EYS: variants seen among roughly 807,000 people sequenced by gnomAD.
EYS encodes the protein protein eyes shut homolog.
In EYS, 250 loss-of-function variants were observed where a neutral mutation model predicts 282.1. That is an observed-to-expected ratio of 0.89 (90% CI 0.80 to 0.98). The LOEUF (loss-of-function observed/expected upper bound fraction) is 0.98, where lower values mean the gene tolerates loss of function less well. Ranked by LOEUF, EYS falls within the 50% of genes least tolerant of loss-of-function variation. EYS has a pLI of 0.00. For synonymous variants in EYS, 1,355 were observed against 1,282.9 expected, an observed-to-expected ratio of 1.06 and a Z score of -1.20; for missense variants, 4,016 against 3,709.0, an observed-to-expected ratio of 1.08 and a Z score of -2.15.
intron 29 of EYS, among the ~76,000 whole-genome samples, chr6:64,374,062 G>C (rs1772482454): frequency 6.6e-6 from 1 of 152,018 alleles, no homozygotes; most frequent in African/African-American, 2.4e-5. Flanking sequence ...GGAAACTCTA[G>C]CAAGCATTGC....
chr6:65,643,406 G>A (rs908548178), intron 1 of EYS, among the ~76,000 whole-genome samples: 4 of 152,186 alleles, frequency 2.6e-5, no homozygotes, highest in African/African-American at 7.2e-5. Flanking sequence ...CCTGAACTAA[G>A]ACATGCCTAT....
At chr6:64,876,066 A>C (rs1249003411) in intron 19 of EYS, among the ~76,000 whole-genome samples, 1 of 152,062 alleles carries the variant, frequency 6.6e-6, no homozygotes, top group East Asian at 1.9e-4. Context: ...TGAATAATAT[A>C]AAAAGTCTAA....
chr6:64,829,474 T>C (rs1466797294), intron 19 of EYS, among the ~76,000 whole-genome samples: 3 of 152,016 alleles, frequency 2.0e-5, no homozygotes, highest in Admixed American at 6.6e-5. Context: ...AATAGATGTT[T>C]GGCCAGAATA....
At chr6:64,830,632 T>C (rs1269648260) in intron 19 of EYS, among the ~76,000 whole-genome samples, 1 of 151,868 alleles carries the variant, frequency 6.6e-6, no homozygotes, top group Non-Finnish European at 1.5e-5. Flanking sequence ...AAGATCAACT[T>C]TGGTGACAGA....
At chr6:65,171,627 T>A (rs1191429585) in intron 12 of EYS, among the ~76,000 whole-genome samples, 2 of 151,318 alleles carry the variant, frequency 1.3e-5, no homozygotes, top group Non-Finnish European at 3.0e-5. Context: ...ATGACAACAG[T>A]TCACACCAAG....
intron 29 of EYS, among the ~76,000 whole-genome samples, chr6:64,312,948 A>C (rs932027911): frequency 1.3e-5 from 2 of 152,176 alleles, no homozygotes; most frequent in African/African-American, 2.4e-5. Context: ...AAAGGCTGAA[A>C]ATTCCAAAAA....
intron 26 of EYS, among the ~76,000 whole-genome samples, chr6:64,569,784 T>C (rs1305052454): frequency 6.6e-6 from 1 of 151,230 alleles, no homozygotes; most frequent in African/African-American, 2.4e-5. Context: ...CTCCAAGAAA[T>C]ATGGAACTAT....
At chr6:65,270,567 T>G (rs1433555855) in intron 12 of EYS, among the ~76,000 whole-genome samples, 1 of 152,202 alleles carries the variant, frequency 6.6e-6, no homozygotes, top group East Asian at 1.9e-4. Context: ...ATTTTCTCAA[T>G]ATTTAATTTC....
chr6:65,409,541 T>C (rs368185340), intron 5 of EYS, among the ~76,000 whole-genome samples: 5 of 152,270 alleles, frequency 3.3e-5, no homozygotes, highest in Admixed American at 6.5e-5. Context: ...GGACAATTGA[T>C]ACATGTTAGA....
At chr6:65,304,289 AC>A (rs1340385300) in intron 11 of EYS, 26 of 534,320 alleles carry the variant, frequency 4.9e-5, no homozygotes, top group Non-Finnish European at 8.5e-5. Context: ...CTCTTGCAAT[AC>A]CCAAGTGGCA....
chr6:65,150,725 G>A (rs1232328898), intron 12 of EYS, among the ~76,000 whole-genome samples: 1 of 151,630 alleles, frequency 6.6e-6, no homozygotes, highest in Non-Finnish European at 1.5e-5. Context: ...TAATAGGTTA[G>A]TAACTAATAG....
intron 30 of EYS, among the ~76,000 whole-genome samples, chr6:64,259,650 GCACACACACACACACACA>G (rs1554222995): frequency 6.9e-6 from 1 of 145,604 alleles, no homozygotes; most frequent in African/African-American, 2.5e-5. Context: ...TTACACACGC[GCACACACACACACACACA>G]CACACACAAT....
chr6:64,114,970 G>T (rs1773327417), intron 31 of EYS, among the ~76,000 whole-genome samples: 1 of 152,130 alleles, frequency 6.6e-6, no homozygotes, highest in South Asian at 2.1e-4. Flanking sequence ...TGGAGCTGCG[G>T]CCACTCTGTG....
intron 31 of EYS, among the ~76,000 whole-genome samples, chr6:64,203,913 A>G (rs1013775722): frequency 6.6e-6 from 1 of 152,220 alleles, no homozygotes; most frequent in African/African-American, 2.4e-5. Flanking sequence ...AACAAATTCT[A>G]TATTGAAGCC....
At chr6:64,325,277 G>C (rs1179666507) in intron 29 of EYS, among the ~76,000 whole-genome samples, 1 of 152,102 alleles carries the variant, frequency 6.6e-6, no homozygotes, top group African/African-American at 2.4e-5. Context: ...CCTGGAGCCG[G>C]GTAGGCTTGC....
chr6:65,245,870 G>C (rs193119248), intron 12 of EYS, among the ~76,000 whole-genome samples: 60 of 152,050 alleles, frequency 3.9e-4, no homozygotes, highest in African/African-American at 1.4e-3. Flanking sequence ...CTCTCAAAGA[G>C]CTAAATAATA....
Position 65,353,455 on chromosome 6 carries a change from T to A in EYS, c.1459+3A>T, listed in dbSNP as rs1217994570. ...ATTGAAAAAAATTACATAAATTTGT[T>A]ACCTGCAAATCCCAATTGCCACACA... On this transcript the variant is annotated splice_donor_region_variant and intron_variant, in intron 9 of 42. Transcript: ENST00000503581. 4 of 1,612,660 alleles carry A rather than the reference T, an allele frequency of 2.5e-6. No homozygotes were observed. Among genetic ancestry groups the A allele is most frequent in the Non-Finnish European group, 3.4e-6 (4 of 1,179,080 alleles).
chr6:64,688,551 T>C (rs1770246668), intron 22 of EYS, among the ~76,000 whole-genome samples: 1 of 152,202 alleles, frequency 6.6e-6, no homozygotes, highest in African/African-American at 2.4e-5. Context: ...AGTTTCTTAA[T>C]CCTGAGTTCT....
chr6:64,254,713 T>C (rs912118822), intron 30 of EYS, among the ~76,000 whole-genome samples: 4 of 152,076 alleles, frequency 2.6e-5, no homozygotes, highest in African/African-American at 9.7e-5. Context: ...CTACACCTCA[T>C]CCACTCCCGT....
Sources: gnomAD v4.1 joint callset for allele counts (sites outside exome capture counted in the v4.1 genomes callset) on GRCh38, gnomAD v4.1.1 for gene constraint, MANE v1.5 for transcripts, NCBI Gene and HGNC (gene_info 2026-07-23, HGNC 2026-07-21) for gene names.